CLPX: variants seen among roughly 807,000 people sequenced by gnomAD.
The protein encoded by CLPX is caseinolytic mitochondrial matrix peptidase chaperone subunit X.
Under a neutral mutation model 76.4 loss-of-function variants are expected in CLPX, and 34 were observed. The ratio of observed to expected loss-of-function variants is 0.45; its 90% confidence interval spans 0.34 to 0.59. CLPX has a LOEUF of 0.59. Ranked by LOEUF, CLPX falls within the 20% of genes least tolerant of loss-of-function variation. The pLI is 0.01. For missense variants in CLPX, 613 were observed against 757.0 expected, an observed-to-expected ratio of 0.81 and a Z score of 2.23; for synonymous variants, 248 against 270.9, an observed-to-expected ratio of 0.92 and a Z score of 0.83.
intron 5 of CLPX, among the ~76,000 whole-genome samples, chr15:65,163,172 G>A (rs1321594661): frequency 6.6e-6 from 1 of 152,078 alleles, no homozygotes; most frequent in Non-Finnish European, 1.5e-5. Context: ...AGGCTGCAGT[G>A]AGTCGCAATC....
intron 9 of CLPX, among the ~76,000 whole-genome samples, chr15:65,156,279 T>C (rs967262883): frequency 1.6e-4 from 24 of 152,202 alleles, no homozygotes; most frequent in African/African-American, 5.1e-4. Context: ...TACCTATATT[T>C]GGAGATGCTT....
intron 3 of CLPX, among the ~76,000 whole-genome samples, chr15:65,173,946 T>G (rs2088050004): frequency 6.6e-6 from 1 of 152,128 alleles, no homozygotes; most frequent in Non-Finnish European, 1.5e-5. Flanking sequence ...AATTAGATAG[T>G]GGAGATGATC....
At chr15:65,152,564 A>G (rs2087735946) in intron 12 of CLPX, 28 bp from the exon 13 acceptor site, 1 of 1,266,250 alleles carries the variant, frequency 7.9e-7, no homozygotes, top group East Asian at 2.6e-5. Flanking sequence ...AATGAATCAC[A>G]TTGAAAACAG....
chr15:65,167,587 G>A (rs931135533), intron 3 of CLPX, among the ~76,000 whole-genome samples: 3 of 151,788 alleles, frequency 2.0e-5, no homozygotes, highest in Non-Finnish European at 4.4e-5. Context: ...TTAAACCCAT[G>A]AGCATTTTTC....
chr15:65,177,355 C>A (rs985529015), intron 3 of CLPX, among the ~76,000 whole-genome samples: 1 of 152,166 alleles, frequency 6.6e-6, no homozygotes, highest in African/African-American at 2.4e-5. Flanking sequence ...TGGTGTGAGC[C>A]ACAGCGCCTG....
intron 5 of CLPX, among the ~76,000 whole-genome samples, chr15:65,163,734 G>A (rs528623010): frequency 7.9e-5 from 12 of 152,050 alleles, no homozygotes; most frequent in South Asian, 4.2e-4. Flanking sequence ...TGATCCCCCC[G>A]CCTCGGCCTC....
At chr15:65,154,048 T>C (rs748510075) in intron 11 of CLPX, among the ~76,000 whole-genome samples, 1 of 152,298 alleles carries the variant, frequency 6.6e-6, no homozygotes, top group South Asian at 2.1e-4. Flanking sequence ...TAAATAAGAC[T>C]AGGGAACCAC....
chr15:65,169,827 C>T (rs1299613622), intron 3 of CLPX, among the ~76,000 whole-genome samples: 1 of 151,512 alleles, frequency 6.6e-6, no homozygotes, highest in Non-Finnish European at 1.5e-5. Flanking sequence ...GCAATCTCGG[C>T]TTACTGCAAC....
intron 9 of CLPX, 176 bp downstream of exon 9, chr15:65,156,668 C>T: frequency 2.4e-6 from 1 of 424,594 alleles, no homozygotes; most frequent in South Asian, 8.0e-5. Flanking sequence ...TTTGTTATTT[C>T]AAATTGTCAA....
chr15:65,150,801 T>C lies in CLPX; in HGVS notation c.*22A>G, dbSNP rs749201029. 5 of 1,545,766 alleles carry C rather than the reference T, an allele frequency of 3.2e-6. No individual in the cohort carries two copies. Among genetic ancestry groups the C allele is most frequent in the African/African-American group, 1.4e-5 (1 of 73,366 alleles). ...AAACAAAAGAAGGAAAAGCTGTATA[T>C]ACAAGACAGCAATATGACAGTTTAG... On this transcript the variant is annotated 3_prime_UTR_variant, in exon 14 of 14. Coordinates refer to ENST00000300107, the MANE Select transcript of CLPX (RefSeq NM_006660.5).
chr15:65,158,535 T>C (rs777719460), intron 7 of CLPX, 40 bp downstream of exon 7: 105 of 1,521,350 alleles, frequency 6.9e-5, no homozygotes, highest in Non-Finnish European at 8.8e-5. Context: ...ATATTCTGAT[T>C]TTTAAAATGA....
In CLPX at chr15:65,170,472, AAAC is replaced by A. The variant is rs199956911; in HGVS notation, c.359-3690_359-3688del. ...AAAAGTAGACAATTCCATATTAAAA[AAAC>A]AACTTTAGGCTGAGCGGGGTGGCTC... is the stretch of plus-strand genomic sequence containing the variant. On this transcript the variant is annotated intron_variant, in intron 3 of 13. Coordinates refer to ENST00000300107, the MANE Select transcript of CLPX (RefSeq NM_006660.5). Among the ~76,000 whole-genome samples, 90 of 152,280 alleles carry A rather than the reference AAAC, an allele frequency of 5.9e-4. 1 individual carries two copies. In the East Asian group the frequency reaches 0.017, roughly 29 times the overall value.
At chr15:65,154,581 T>A (rs1181966555) in intron 11 of CLPX, 2 of 537,238 alleles carry the variant, frequency 3.7e-6, no homozygotes, top group African/African-American at 3.8e-5. Flanking sequence ...TAATGATGGT[T>A]TTAATTCAGA....
chr15:65,185,093 G>C lies in CLPX; in HGVS notation c.61C>G (p.Leu21Val), dbSNP rs1164624805. ...AAAVRLITSS[L>V]ASAQRGISGG... ...TCGTTACCTCTCTGCGCGGAGGCGAGTGAGGAGGTGATGAGCCGGACGGCC... is the reference window on the plus strand; with the variant it reads ...TCGTTACCTCTCTGCGCGGAGGCGACTGAGGAGGTGATGAGCCGGACGGCC... The change falls in exon 1 of 14, where the codon CTC (leucine) becomes GTC (valine). Residue 21 changes from leucine (L) to valine (V), a missense_variant. Physicochemically the swap from Leu to Val is conservative, Grantham distance 32. Transcript: ENST00000300107. 6.3e-7 allele frequency: 1 copy of C among 1,582,974 alleles called. No homozygotes were observed. The highest frequency in any genetic ancestry group is 8.6e-7 in the Non-Finnish European group (1 of 1,165,564).
At chr15:65,152,175 A>C (rs953481932) in intron 13 of CLPX, among the ~76,000 whole-genome samples, 1 of 152,004 alleles carries the variant, frequency 6.6e-6, no homozygotes, top group South Asian at 2.1e-4. Context: ...TGATCCGCCC[A>C]CCTCGGCCTC....
At position 65,150,011 on chromosome 15, in the gene CLPX, A is replaced by G. The variant is rs2087700382; in HGVS notation, c.*812T>C. ...ACCAATTATCAAAATATAGTTCTTCAGGGTATTTTTCAATGAAATGTTTAA... is the reference window on the plus strand; with the variant it reads ...ACCAATTATCAAAATATAGTTCTTCGGGGTATTTTTCAATGAAATGTTTAA... On this transcript the variant is annotated 3_prime_UTR_variant, in exon 14 of 14. Transcript: ENST00000300107. 6.6e-6 allele frequency: 1 copy of G among 152,342 alleles called. No individual in the cohort carries two copies. 9.4% of individuals were successfully genotyped at this position (152,342 alleles called of 1,614,324 possible).
chr15:65,182,786 A>G (rs1223555857), intron 1 of CLPX, among the ~76,000 whole-genome samples: 1 of 152,262 alleles, frequency 6.6e-6, no homozygotes, highest in African/African-American at 2.4e-5. Context: ...GGCAGCAACC[A>G]GAAAAGACAA....
In CLPX at chr15:65,149,455, A is replaced by G. The variant is rs1374183954; in HGVS notation, c.*1368T>C. ...GTGGCACTGTACTCCAGCCTGGGTGACACAGCGAGACTCTGTCTCAAAAAA... is the reference window on the plus strand; with the variant it reads ...GTGGCACTGTACTCCAGCCTGGGTGGCACAGCGAGACTCTGTCTCAAAAAA... On this transcript the variant is annotated 3_prime_UTR_variant, in exon 14 of 14. Coordinates refer to ENST00000300107, the MANE Select transcript of CLPX (RefSeq NM_006660.5). 2 of 319,192 alleles carry G rather than the reference A, an allele frequency of 6.3e-6. No homozygotes were observed. The allele number at this position is 319,192 out of a possible 1,614,324, so 19.8% of individuals were successfully genotyped here.
intron 6 of CLPX, among the ~76,000 whole-genome samples, chr15:65,160,491 T>C (rs1192248199): frequency 6.6e-6 from 1 of 152,014 alleles, no homozygotes; most frequent in Non-Finnish European, 1.5e-5. Flanking sequence ...TGTGATAACA[T>C]AGGAAGGGGC....
Sources: allele counts gnomAD v4.1 joint callset (sites outside exome capture counted in the v4.1 genomes callset), GRCh38; gene constraint gnomAD v4.1.1; transcripts MANE v1.5; gene names NCBI Gene and HGNC (gene_info 2026-07-23, HGNC 2026-07-21).